ROCK1: variants seen among roughly 807,000 people sequenced by gnomAD.
ROCK1 encodes Rho associated coiled-coil containing protein kinase 1.
ROCK1 carries 36 observed loss-of-function variants against 196.8 expected under a neutral mutation model. That is an observed-to-expected ratio of 0.18 (90% CI 0.14 to 0.24). The LOEUF is 0.24. Among genes scored for constraint, ROCK1 ranks in the 10% least tolerant of loss-of-function variants. The pLI is 1.00. For synonymous variants in ROCK1, 443 were observed against 515.9 expected (o/e 0.86, Z 1.91); for missense variants, 920 against 1,562.0 (o/e 0.59, Z 6.93).
intron 29 of ROCK1, among the ~76,000 whole-genome samples, chr18:20,959,086 T>TATATATAATATATATAATATATATA (rs1568367368): frequency 6.7e-5 from 2 of 29,806 alleles, no homozygotes; most frequent in Non-Finnish European, 9.7e-5. Flanking sequence ...ATATATATAT[T>TATATATAATATATATAATATATATA]TTATATAATA....
chr18:21,050,344 T>TAAA (rs202007611), intron 2 of ROCK1, among the ~76,000 whole-genome samples: 2 of 136,562 alleles, frequency 1.5e-5, no homozygotes. Context: ...GCAAACACAC[T>TAAA]AAAAAAAAAA....
intron 24 of ROCK1, 113 bp downstream of exon 24, chr18:20,969,002 A>G (rs1229100088): frequency 4.6e-6 from 4 of 877,224 alleles, no homozygotes; most frequent in Non-Finnish European, 7.1e-6. Context: ...TCTTAAGGCT[A>G]CAGAAGTTAC....
chr18:21,074,094 G>C (rs1323266077), intron 1 of ROCK1, among the ~76,000 whole-genome samples: 1 of 152,132 alleles, frequency 6.6e-6, no homozygotes, highest in Admixed American at 6.5e-5. Flanking sequence ...GGAGCTCAAG[G>C]CTACAGTAAT....
Position 20,961,911 on chromosome 18 carries a change from G to A in ROCK1, c.3353-1705C>T, listed in dbSNP as rs568456644. Among the ~76,000 whole-genome samples, 31 of 142,468 alleles carry A rather than the reference G, an allele frequency of 2.2e-4. 1 individual carries two copies. Among genetic ancestry groups the A allele is most frequent in the Non-Finnish European group, 4.6e-4 (31 of 66,668 alleles). 93.5% of individuals were successfully genotyped at this position (142,468 alleles called of 152,430 possible). Reference sequence around the variant, plus strand: ...GCCTCAGCTTCCTAAGCAGTGGCATGTACCACAGCACCTGGCTTTAATTGC... The same window carrying A: ...GCCTCAGCTTCCTAAGCAGTGGCATATACCACAGCACCTGGCTTTAATTGC... On this transcript the variant is annotated intron_variant, in intron 27 of 32. Coordinates refer to ENST00000399799, the MANE Select transcript of ROCK1 (RefSeq NM_005406.3).
chr18:20,957,311 AC>A (rs1243347068), intron 29 of ROCK1, among the ~76,000 whole-genome samples: 1 of 152,268 alleles, frequency 6.6e-6, no homozygotes, highest in Non-Finnish European at 1.5e-5. Flanking sequence ...ATTCAGCAAT[AC>A]AAAGAACAAT....
At chr18:20,997,925 C>T (rs1342994848) in intron 16 of ROCK1, among the ~76,000 whole-genome samples, 1 of 151,472 alleles carries the variant, frequency 6.6e-6, no homozygotes, top group Non-Finnish European at 1.5e-5. Flanking sequence ...CAACTTCCGA[C>T]TCCCGGGTTC....
rs575496450 is a variant in ROCK1, at chr18:20,951,988, T to C, written c.4062-601A>G. ...TTGGACAGAAATGGTTTCCAATCCA[T>C]TGGCTGTGTGATTGAGCAAACTGCT... On this transcript the variant is annotated intron_variant, in intron 32 of 32. Coordinates refer to ENST00000399799, the MANE Select transcript of ROCK1 (RefSeq NM_005406.3). Among the ~76,000 whole-genome samples, 294 of 152,312 alleles carry C rather than the reference T, an allele frequency of 1.9e-3. 2 individuals carry two copies. The highest frequency in any genetic ancestry group is 6.5e-3 in the African/African-American group (271 of 41,574).
chr18:21,027,845 T>C lies in ROCK1; in HGVS notation c.1211+931A>G, dbSNP rs1342426316. On this transcript the variant is annotated intron_variant, in intron 10 of 32. Coordinates refer to ENST00000399799, the MANE Select transcript of ROCK1 (RefSeq NM_005406.3). ...GGCGCGATCTCGGCTCACTGCAAGCTCCGCCTCCCGGGTTCACGCCATTCT... is the reference window on the plus strand; with the variant it reads ...GGCGCGATCTCGGCTCACTGCAAGCCCCGCCTCCCGGGTTCACGCCATTCT... Among the ~76,000 whole-genome samples the C allele has an allele frequency of 2.3e-5, 3 of 128,530 alleles. No homozygotes were observed. In the Admixed American group the frequency reaches 2.8e-4, roughly 12 times the overall value. The allele number at this position is 128,530 out of a possible 152,430, so 84.3% of individuals were successfully genotyped here.
At chr18:21,069,761 A>G (rs1441216520) in intron 2 of ROCK1, among the ~76,000 whole-genome samples, 5 of 152,132 alleles carry the variant, frequency 3.3e-5, no homozygotes. Context: ...TTTTACTGCT[A>G]TGTCCATAGG....
chr18:21,046,968 G>A (rs934633625), intron 4 of ROCK1, among the ~76,000 whole-genome samples: 4 of 151,924 alleles, frequency 2.6e-5, no homozygotes, highest in South Asian at 2.1e-4. Flanking sequence ...CACCACACCC[G>A]GCCCAGACTC....
chr18:21,083,872 T>C (rs1430897089), intron 1 of ROCK1, among the ~76,000 whole-genome samples: 13 of 152,200 alleles, frequency 8.5e-5, no homozygotes. Context: ...GTATTTCAAA[T>C]GTATGGAGAG....
intron 22 of ROCK1, among the ~76,000 whole-genome samples, chr18:20,974,929 C>A (rs777108368): frequency 6.6e-6 from 1 of 152,190 alleles, no homozygotes; most frequent in Admixed American, 6.5e-5. Flanking sequence ...TCTCCTCTAG[C>A]TACTGCTACA....
chr18:21,062,724 C>T (rs769150819), intron 2 of ROCK1, among the ~76,000 whole-genome samples: 1 of 152,048 alleles, frequency 6.6e-6, no homozygotes, highest in Non-Finnish European at 1.5e-5. Context: ...AAATGATAAG[C>T]GTTAACATCA....
rs144965728 is a variant in ROCK1, at chr18:21,006,546, A to G, written c.1690T>C (p.Leu564=). The change falls in exon 16 of 33, where the codon TTG becomes CTG. Residue 564 remains leucine, a synonymous_variant. Coordinates refer to ENST00000399799, the MANE Select transcript of ROCK1 (RefSeq NM_005406.3). Reference sequence around the variant, plus strand: ...CTCATCTCTGTGTGACTCTTCCTCAATCTTACAGCTGTGTCCGATTCTGTC... The same window carrying G: ...CTCATCTCTGTGTGACTCTTCCTCAGTCTTACAGCTGTGTCCGATTCTGTC... The part of the protein sequence containing the change: ...LRTESDTAVR[L]RKSHTEMSKS... The G allele has an allele frequency of 3.3e-5, 54 of 1,613,730 alleles. No individual in the cohort carries two copies. The East Asian group carries it at 5.1e-4, about 15-fold the overall frequency.
intron 5 of ROCK1, among the ~76,000 whole-genome samples, chr18:21,044,862 T>C (rs549478486): frequency 6.6e-6 from 1 of 152,126 alleles, no homozygotes; most frequent in South Asian, 2.1e-4. Context: ...TTTGGAGTTC[T>C]TTTTTTCCCC....
chr18:20,988,231 A>G (rs1195325049), intron 18 of ROCK1, among the ~76,000 whole-genome samples: 1 of 151,956 alleles, frequency 6.6e-6, no homozygotes, highest in Non-Finnish European at 1.5e-5. Context: ...ACACGCAGCT[A>G]ATTTTTGTAT....
intron 1 of ROCK1, among the ~76,000 whole-genome samples, chr18:21,097,647 C>G (rs1236299783): frequency 6.6e-6 from 1 of 152,168 alleles, no homozygotes; most frequent in African/African-American, 2.4e-5. Flanking sequence ...CCACTTAGAT[C>G]AAAAGTAGTT....
intron 4 of ROCK1, 23 bp from the exon 5 acceptor site, chr18:21,045,490 C>A: frequency 8.6e-6 from 13 of 1,516,392 alleles, no homozygotes; most frequent in East Asian, 2.4e-5. Flanking sequence ...AAAAAACAAA[C>A]AAAACACATT....
intron 1 of ROCK1, among the ~76,000 whole-genome samples, chr18:21,079,179 T>C (rs1186269005): frequency 6.6e-6 from 1 of 152,174 alleles, no homozygotes; most frequent in Non-Finnish European, 1.5e-5. Context: ...GCTGAGTTAT[T>C]GGGATCCCAG....
Sources: gnomAD v4.1 joint callset for allele counts (sites outside exome capture counted in the v4.1 genomes callset) on GRCh38, gnomAD v4.1.1 for gene constraint, MANE v1.5 for transcripts, NCBI Gene and HGNC (gene_info 2026-07-23, HGNC 2026-07-21) for gene names.